DSCAM: variants seen among roughly 807,000 people sequenced by gnomAD.
DSCAM encodes cell adhesion molecule DSCAM.
DSCAM carries 47 observed loss-of-function variants against 217.7 expected under a neutral mutation model. The ratio of observed to expected loss-of-function variants is 0.22; its 90% CI spans 0.17 to 0.28. The LOEUF is 0.28. Ranked by LOEUF, DSCAM falls within the 10% of genes least tolerant of loss-of-function variation. The pLI, the probability that DSCAM is intolerant of heterozygous loss-of-function variation, is 1.00. For missense variants in DSCAM, 2,080 were observed against 2,618.3 expected (o/e 0.79, Z 4.49); for synonymous variants, 1,056 against 1,015.3 (o/e 1.04, Z -0.76).
chr21:40,394,201 C>T (rs914117308), intron 3 of DSCAM, among the ~76,000 whole-genome samples: 10 of 152,230 alleles, frequency 6.6e-5, no homozygotes, highest in African/African-American at 1.7e-4. Context: ...GAAGATGAGG[C>T]GAGATAAAGA....
chr21:40,372,966 C>T (rs959196668), intron 3 of DSCAM, among the ~76,000 whole-genome samples: 1 of 151,898 alleles, frequency 6.6e-6, no homozygotes, highest in Non-Finnish European at 1.5e-5. Flanking sequence ...TGTAGGGACA[C>T]AAAACTACCA....
chr21:40,184,606 C>T (rs1485846763), intron 14 of DSCAM, among the ~76,000 whole-genome samples: 1 of 152,184 alleles, frequency 6.6e-6, no homozygotes, highest in Admixed American at 6.5e-5. Flanking sequence ...AGCTTTCCTG[C>T]TTTGGTTATA....
At chr21:40,241,249 G>A (rs988428435) in intron 11 of DSCAM, among the ~76,000 whole-genome samples, 1 of 152,076 alleles carries the variant, frequency 6.6e-6, no homozygotes, top group Non-Finnish European at 1.5e-5. Context: ...ACTGACAAAG[G>A]TCTAATATTT....
At chr21:40,530,563 A>G (rs1194211167) in intron 3 of DSCAM, among the ~76,000 whole-genome samples, 1 of 152,232 alleles carries the variant, frequency 6.6e-6, no homozygotes, top group African/African-American at 2.4e-5. Context: ...ATTTAAAATG[A>G]CAAATAACCT....
chr21:40,493,805 G>A (rs1480876255), intron 3 of DSCAM, among the ~76,000 whole-genome samples: 2 of 150,028 alleles, frequency 1.3e-5, no homozygotes, highest in Non-Finnish European at 3.0e-5. Flanking sequence ...AAAGGTTGCA[G>A]TGAGTCAAGA....
chr21:40,042,333 C>T, intron 32 of DSCAM, 38 bp downstream of exon 32: 1 of 1,595,980 alleles, frequency 6.3e-7, no homozygotes, highest in Non-Finnish European at 8.5e-7. Context: ...AGGTGCACTT[C>T]CCTAAGCGAC....
intron 3 of DSCAM, among the ~76,000 whole-genome samples, chr21:40,681,249 G>T (rs986253907): frequency 6.6e-6 from 1 of 152,228 alleles, no homozygotes; most frequent in Admixed American, 6.5e-5. Context: ...GAAGCAGCTT[G>T]CCTGCCGCCC....
At chr21:40,787,966 T>G (rs906646971) in intron 1 of DSCAM, among the ~76,000 whole-genome samples, 13 of 152,146 alleles carry the variant, frequency 8.5e-5, no homozygotes, top group African/African-American at 3.1e-4. Context: ...ATAAAGAGGA[T>G]TGAAGGCATC....
chr21:40,027,420 G>A (rs1478162125), intron 32 of DSCAM, among the ~76,000 whole-genome samples: 17 of 151,506 alleles, frequency 1.1e-4, no homozygotes, highest in Middle Eastern at 3.4e-3. Flanking sequence ...CTGAACTTTG[G>A]CCTGCCTTGC....
intron 1 of DSCAM, among the ~76,000 whole-genome samples, chr21:40,748,815 T>G (rs188708928): frequency 9.2e-4 from 140 of 152,196 alleles, no homozygotes; most frequent in Non-Finnish European, 1.6e-3. Flanking sequence ...CAGGCATCAC[T>G]CTACCTGATG....
chr21:40,538,744 C>T (rs1380196846), intron 3 of DSCAM, among the ~76,000 whole-genome samples: 3 of 152,102 alleles, frequency 2.0e-5, no homozygotes, highest in African/African-American at 7.2e-5. Flanking sequence ...GATCTTAAGG[C>T]CTCTCAGGTA....
rs1015522468 is a variant in DSCAM, at chr21:40,690,562, A to G, written c.508+2248T>C. On this transcript the variant is annotated intron_variant, in intron 3 of 32. Transcript: ENST00000400454. ...ACTTTTGCATTTAAAATTGTATGAA[A>G]GGATGAAGCTCCAGTATCTGACTGA... Among the ~76,000 whole-genome samples, 6 of 152,356 alleles carry G rather than the reference A, an allele frequency of 3.9e-5. No individual in the cohort carries two copies. In the East Asian group the frequency reaches 1.2e-3, roughly 29 times the overall value.
chr21:40,036,180 G>T (rs1484223176), intron 32 of DSCAM, among the ~76,000 whole-genome samples: 25 of 144,902 alleles, frequency 1.7e-4, no homozygotes, highest in Admixed American at 7.5e-4. Context: ...CAGAACTGAA[G>T]GAAATAGAGA....
intron 1 of DSCAM, among the ~76,000 whole-genome samples, chr21:40,712,199 T>G (rs1328441535): frequency 6.6e-6 from 1 of 152,218 alleles, no homozygotes; most frequent in African/African-American, 2.4e-5. Context: ...GTTATGTTTT[T>G]GGGAACCCAT....
At chr21:40,386,680 C>G (rs1013458126) in intron 3 of DSCAM, among the ~76,000 whole-genome samples, 2 of 152,222 alleles carry the variant, frequency 1.3e-5, no homozygotes, top group African/African-American at 4.8e-5. Context: ...TAAGCACTTC[C>G]TATGTTTACA....
At chr21:40,195,770 AAAG>A (rs1437278711) in intron 11 of DSCAM, among the ~76,000 whole-genome samples, 6 of 152,190 alleles carry the variant, frequency 3.9e-5, no homozygotes, top group African/African-American at 1.4e-4. Context: ...TGGGAGGTCA[AAAG>A]AAGGAGATGC....
intron 15 of DSCAM, among the ~76,000 whole-genome samples, chr21:40,173,933 G>A (rs576863664): frequency 3.3e-5 from 5 of 152,216 alleles, no homozygotes; most frequent in Admixed American, 6.5e-5. Flanking sequence ...CAGATTTATA[G>A]TGAAAATAAT....
intron 3 of DSCAM, among the ~76,000 whole-genome samples, chr21:40,551,200 G>A (rs1200823204): frequency 1.3e-5 from 2 of 152,192 alleles, no homozygotes; most frequent in African/African-American, 4.8e-5. Flanking sequence ...CACGTCTTAG[G>A]GAAACATAAG....
chr21:40,231,417 C>G (rs1301309696), intron 11 of DSCAM, among the ~76,000 whole-genome samples: 1 of 152,074 alleles, frequency 6.6e-6, no homozygotes, highest in African/African-American at 2.4e-5. Flanking sequence ...ACACCTATCT[C>G]CCTAGATTTC....
Sources: allele counts gnomAD v4.1 joint callset (sites outside exome capture counted in the v4.1 genomes callset), GRCh38; gene constraint gnomAD v4.1.1; transcripts MANE v1.5; gene names NCBI Gene and HGNC (gene_info 2026-07-23, HGNC 2026-07-21).